The following ST6GALNAC5 variants were observed in gnomAD, a reference collection of about 807,000 sequenced individuals.
The protein encoded by ST6GALNAC5 is ST6 N-acetylgalactosaminide alpha-2,6-sialyltransferase 5.
A neutral mutation model predicts 33.6 loss-of-function variants in ST6GALNAC5; 27 were observed. The ratio of observed to expected loss-of-function variants is 0.80; its 90% CI spans 0.59 to 1.11. The LOEUF (loss-of-function observed/expected upper bound fraction) is 1.11. Among genes scored for constraint, ST6GALNAC5 ranks in the 50% least tolerant of loss-of-function variants. The pLI is 0.00. For synonymous variants in ST6GALNAC5, 194 were observed against 171.2 expected, an observed-to-expected ratio of 1.13 and a Z score of -1.04; for missense variants, 428 against 454.0, an observed-to-expected ratio of 0.94 and a Z score of 0.52.
chr1:76,868,777 G>A lies in ST6GALNAC5; in HGVS notation c.261+35G>A. On this transcript the variant is annotated intron_variant, in intron 2 of 4. Coordinates refer to ENST00000477717, the MANE Select transcript of ST6GALNAC5 (RefSeq NM_030965.3). The surrounding 1 kb of genome is among the most constrained non-coding windows in gnomAD (Gnocchi z 4.3). ...TGCCCGCCAGCCCGCTCGCCACTCA[G>A]CCTGGGGATCCCGCACACCTGAGCC... 2 of 1,462,740 alleles carry A rather than the reference G, an allele frequency of 1.4e-6. No individual in the cohort carries two copies. The highest frequency in any genetic ancestry group is 1.8e-6 in the Non-Finnish European group (2 of 1,113,382). 90.6% of individuals were successfully genotyped at this position (1,462,740 alleles called of 1,614,324 possible).
intron 2 of ST6GALNAC5, among the ~76,000 whole-genome samples, chr1:76,923,829 A>T (rs1647058958): frequency 6.6e-6 from 1 of 152,176 alleles, no homozygotes; most frequent in Admixed American, 6.5e-5. Flanking sequence ...AGATATGATG[A>T]CTTCATATCA....
intron 2 of ST6GALNAC5, among the ~76,000 whole-genome samples, chr1:76,966,483 T>C (rs1320229311): frequency 6.6e-6 from 1 of 152,232 alleles, no homozygotes; most frequent in Non-Finnish European, 1.5e-5. Context: ...GCTTATCAGC[T>C]TAAGGAGATT....
At chr1:76,963,583 G>C (rs750680706) in intron 2 of ST6GALNAC5, among the ~76,000 whole-genome samples, 3 of 152,200 alleles carry the variant, frequency 2.0e-5, no homozygotes, top group Non-Finnish European at 4.4e-5. Context: ...AGAATGGATT[G>C]GGAGTCTTAA....
chr1:76,976,814 C>G (rs1174054488), intron 2 of ST6GALNAC5, among the ~76,000 whole-genome samples: 1 of 151,748 alleles, frequency 6.6e-6, no homozygotes, highest in South Asian at 2.1e-4. Flanking sequence ...ATTAATGAAA[C>G]TAACAGTTTT....
intron 2 of ST6GALNAC5, among the ~76,000 whole-genome samples, chr1:76,901,019 A>G (rs1646812378): frequency 7.2e-5 from 11 of 152,324 alleles, no homozygotes; most frequent in Middle Eastern, 3.4e-3. Flanking sequence ...AATATTTTAT[A>G]TAGTTCCTCA....
intron 2 of ST6GALNAC5, among the ~76,000 whole-genome samples, chr1:76,880,248 A>G (rs1653746681): frequency 6.6e-6 from 1 of 152,190 alleles, no homozygotes; most frequent in African/African-American, 2.4e-5. Flanking sequence ...ATAACTCTCT[A>G]AACAGTTTAT....
At position 77,063,609 on chromosome 1, in the gene ST6GALNAC5, TAA is replaced by T. The variant is rs199609136; in HGVS notation, c.*404_*405del. ...TCAAGTTGTATTCTTTCCTGTTCTATAACCTTTGTCATCTGTTAGACTCTGTA... is the reference window on the plus strand; with the variant it reads ...TCAAGTTGTATTCTTTCCTGTTCTATCCTTTGTCATCTGTTAGACTCTGTA... On this transcript the variant is annotated 3_prime_UTR_variant, in exon 5 of 5. Transcript: ENST00000477717. 0.026 allele frequency: 5,215 copies of T among 203,410 alleles called. 90 individuals are homozygous for T. The highest frequency in any genetic ancestry group is 0.041 in the African/African-American group (1,771 of 43,416). The allele number at this position is 203,410 out of a possible 1,614,324, so 12.6% of individuals were successfully genotyped here. A position where few individuals can be genotyped will look rare whatever the true frequency, so the allele number is the denominator to read the frequency against.
intron 2 of ST6GALNAC5, among the ~76,000 whole-genome samples, chr1:76,975,227 A>C (rs182328233): frequency 1.8e-3 from 271 of 152,302 alleles, no homozygotes; most frequent in Non-Finnish European, 3.3e-3. Flanking sequence ...AAGTAGATAC[A>C]TTATCCCATA....
chr1:77,050,130 T>A lies in ST6GALNAC5; in HGVS notation c.672-128T>A. The A allele has an allele frequency of 4.3e-6, 3 of 701,646 alleles. No homozygotes were observed. The South Asian group carries it at 5.7e-5, about 13-fold the overall frequency. 43.5% of individuals were successfully genotyped at this position (701,646 alleles called of 1,614,324 possible). ...GTCAATTTGATAAAGTTCCAGATATTTACCAAATGGAGGAGAGAGGGAGAG... is the reference window on the plus strand; with the variant it reads ...GTCAATTTGATAAAGTTCCAGATATATACCAAATGGAGGAGAGAGGGAGAG... On this transcript the variant is annotated intron_variant, in intron 3 of 4. Coordinates refer to ENST00000477717, the MANE Select transcript of ST6GALNAC5 (RefSeq NM_030965.3).
intron 2 of ST6GALNAC5, among the ~76,000 whole-genome samples, chr1:76,899,319 G>T (rs1646790754): frequency 6.6e-6 from 1 of 152,086 alleles, no homozygotes; most frequent in Non-Finnish European, 1.5e-5. Context: ...CACAGAGAAG[G>T]GGTGGGGGTT....
At chr1:76,909,422 A>G (rs180872520) in intron 2 of ST6GALNAC5, among the ~76,000 whole-genome samples, 1 of 152,258 alleles carries the variant, frequency 6.6e-6, no homozygotes, top group East Asian at 1.9e-4. Context: ...ATTACATAAA[A>G]TATAATGTAA....
chr1:77,004,030 C>G (rs1256776501), intron 2 of ST6GALNAC5, among the ~76,000 whole-genome samples: 1 of 121,410 alleles, frequency 8.2e-6, no homozygotes, highest in African/African-American at 2.9e-5. Context: ...TGAATCTGAA[C>G]GTTGGCCTGC....
chr1:77,021,346 G>A (rs1238966451), intron 2 of ST6GALNAC5, among the ~76,000 whole-genome samples: 3 of 152,148 alleles, frequency 2.0e-5, no homozygotes, highest in Non-Finnish European at 4.4e-5. Flanking sequence ...TTGTTTCCAA[G>A]ATGAAGTTCT....
At chr1:76,989,647 T>C (rs572043400) in intron 2 of ST6GALNAC5, among the ~76,000 whole-genome samples, 34 of 152,196 alleles carry the variant, frequency 2.2e-4, no homozygotes, top group Non-Finnish European at 4.6e-4. Flanking sequence ...CAGGTCAGCT[T>C]TCCTGTCTAG....
At chr1:76,976,081 C>T (rs972724121) in intron 2 of ST6GALNAC5, among the ~76,000 whole-genome samples, 10 of 151,650 alleles carry the variant, frequency 6.6e-5, no homozygotes, top group South Asian at 2.1e-4. Flanking sequence ...GGCGACAAAG[C>T]GAGATCCATC....
At chr1:76,962,772 T>C (rs1051473417) in intron 2 of ST6GALNAC5, among the ~76,000 whole-genome samples, 3 of 152,210 alleles carry the variant, frequency 2.0e-5, no homozygotes, top group Non-Finnish European at 4.4e-5. Flanking sequence ...AAATACTACA[T>C]ATTCATTTTG....
chr1:76,957,749 A>G (rs1016001644), intron 2 of ST6GALNAC5, among the ~76,000 whole-genome samples: 1 of 152,144 alleles, frequency 6.6e-6, no homozygotes, highest in Admixed American at 6.6e-5. Flanking sequence ...TACTACTATT[A>G]TCTCATATTT....
chr1:76,941,528 G>A (rs780322583), intron 2 of ST6GALNAC5, among the ~76,000 whole-genome samples: 3 of 151,960 alleles, frequency 2.0e-5, no homozygotes, highest in Non-Finnish European at 4.4e-5. Flanking sequence ...TCAGAAAAAG[G>A]GTCATTGCAG....
At chr1:76,914,648 C>T (rs1170080791) in intron 2 of ST6GALNAC5, among the ~76,000 whole-genome samples, 1 of 152,162 alleles carries the variant, frequency 6.6e-6, no homozygotes, top group Non-Finnish European at 1.5e-5. Context: ...ATGTAGACAG[C>T]TGAAACTGGA....
Sources: allele counts gnomAD v4.1 joint callset (sites outside exome capture counted in the v4.1 genomes callset), GRCh38; gene constraint gnomAD v4.1.1; non-coding constraint Gnocchi (gnomAD v3.1); transcripts MANE v1.5; gene names NCBI Gene and HGNC (gene_info 2026-07-23, HGNC 2026-07-21).